The following RBM28 variants were observed in gnomAD, a reference collection of about 807,000 sequenced individuals.
RBM28 encodes RNA binding motif protein 28.
A neutral mutation model predicts 98.3 loss-of-function variants in RBM28; 78 were observed. The ratio of observed to expected loss-of-function variants is 0.79; its 90% CI spans 0.66 to 0.96. The LOEUF (loss-of-function observed/expected upper bound fraction) is 0.96, where lower values mean the gene tolerates loss of function less well. Ranked by LOEUF, RBM28 falls within the 40% of genes least tolerant of loss-of-function variation. The pLI is 0.00. For synonymous variants in RBM28, 306 were observed against 330.9 expected (o/e 0.92, Z 0.82); for missense variants, 838 against 913.0 (o/e 0.92, Z 1.06).
chr7:128,323,420 C>A, intron 13 of RBM28, 107 bp downstream of exon 13: 2 of 1,316,894 alleles, frequency 1.5e-6, no homozygotes, highest in South Asian at 2.4e-5. Context: ...TAAGTATGGT[C>A]TGTGACCATA....
intron 5 of RBM28, among the ~76,000 whole-genome samples, 177 bp from the exon 6 acceptor site, chr7:128,337,379 A>C (rs1166251370): frequency 6.6e-6 from 1 of 152,136 alleles, no homozygotes; most frequent in Non-Finnish European, 1.5e-5. Context: ...TTTAACCCTT[A>C]ACCTTTTTAT....
rs1483930576 is a variant in RBM28 at position 128,300,834 on chromosome 7, G to A, written c.*9963C>T. On this transcript the variant is annotated 3_prime_UTR_variant, in exon 19 of 19. Coordinates refer to ENST00000223073, the MANE Select transcript of RBM28 (RefSeq NM_018077.3). ...TAGCAGTGTTTGCTCTGGAAAAGGA[G>A]GAACAGGGACCTGGGTGCCATCTCT... The A allele has an allele frequency of 2.0e-5, 3 of 152,326 alleles. No individual in the cohort carries two copies. Among genetic ancestry groups the A allele is most frequent in the Non-Finnish European group, 4.4e-5 (3 of 68,110 alleles). The allele number at this position is 152,326 out of a possible 1,614,324, so 9.4% of individuals were successfully genotyped here.
intron 2 of RBM28, 126 bp downstream of exon 2, chr7:128,339,507 T>C: frequency 7.6e-7 from 1 of 1,308,732 alleles, no homozygotes; most frequent in Non-Finnish European, 1.1e-6. Context: ...TGGATGATTT[T>C]GGAGATCAAA....
intron 16 of RBM28, among the ~76,000 whole-genome samples, 171 bp from the exon 17 acceptor site, chr7:128,315,191 T>C (rs1396547320): frequency 1.3e-5 from 2 of 152,106 alleles, no homozygotes; most frequent in Non-Finnish European, 2.9e-5. Context: ...CCTGCCACAG[T>C]AACAGATGGT....
In RBM28 at chr7:128,325,803, A is replaced by T. The variant is rs778642539; in HGVS notation, c.1203+15T>A. The T allele has an allele frequency of 2.9e-5, 47 of 1,604,406 alleles. No homozygotes were observed. In the South Asian group the frequency reaches 5.0e-4, roughly 17 times the overall value. ...TGCCTCCTGTGTTATAAGGTAAAGG[A>T]AATATCTTCCTTACCTCATTCTCTG... On this transcript the variant is annotated intron_variant, in intron 11 of 18. Coordinates refer to ENST00000223073, the MANE Select transcript of RBM28 (RefSeq NM_018077.3).
chr7:128,326,632 A>C (rs1175220979), intron 10 of RBM28, among the ~76,000 whole-genome samples: 3 of 152,200 alleles, frequency 2.0e-5, no homozygotes, highest in Admixed American at 1.3e-4. Context: ...ACACTATGAC[A>C]TTCACACAAT....
chr7:128,320,756 T>C (rs9656368), intron 14 of RBM28, among the ~76,000 whole-genome samples: 147,469 of 152,372 alleles, frequency 0.97, 71,561 homozygotes, highest in East Asian at 1. Flanking sequence ...CAGACAGAGA[T>C]TTCCTTGCAT....
At chr7:128,315,052 C>A (rs370351539) in intron 16 of RBM28, 32 bp from the exon 17 acceptor site, 2 of 1,613,970 alleles carry the variant, frequency 1.2e-6, no homozygotes, top group Non-Finnish European at 1.7e-6. Flanking sequence ...CATCTGGTTT[C>A]TGGATGAGCT....
In RBM28 at chr7:128,313,267, CCCGCAA is replaced by C; in HGVS notation, c.2047_2052del (p.Leu683_Arg684del). On this transcript the variant is annotated inframe_deletion and splice_region_variant, in exon 18 of 19. Coordinates refer to ENST00000223073, the MANE Select transcript of RBM28 (RefSeq NM_018077.3). ...TGGACGGGCTTCACTTTGCCTTTGT[CCCGCAA>C]CCTGAAATAACATGGCTGAGTGTCA... 1 of 1,613,904 alleles carries C rather than the reference CCCGCAA, an allele frequency of 6.2e-7. No individual in the cohort carries two copies. The highest frequency in any genetic ancestry group is 8.5e-7 in the Non-Finnish European group (1 of 1,179,820).
intron 13 of RBM28, 62 bp from the exon 14 acceptor site, chr7:128,321,486 T>G: frequency 6.3e-7 from 1 of 1,593,782 alleles, no homozygotes; most frequent in Non-Finnish European, 8.6e-7. Context: ...GGCTCATAAT[T>G]CTCCAAAAGG....
intron 12 of RBM28, 27 bp from the exon 13 acceptor site, chr7:128,323,618 A>C (rs762754558): frequency 1.9e-6 from 3 of 1,613,884 alleles, no homozygotes; most frequent in Non-Finnish European, 2.5e-6. Flanking sequence ...AAAGGCCAAG[A>C]CATCAACAAG....
At position 128,306,018 on chromosome 7, in the gene RBM28, C is replaced by G. The variant is rs1795860502; in HGVS notation, c.*4779G>C. ...ACTAAGCATTGCCATGTACCAGGCC[C>G]AGGGGCTGGGACTATGGGAGCTAGT... is the stretch of plus-strand genomic sequence containing the variant. On this transcript the variant is annotated 3_prime_UTR_variant, in exon 19 of 19. Transcript: ENST00000223073. 1 of 152,224 alleles carries G rather than the reference C, an allele frequency of 6.6e-6. No homozygotes were observed. Among genetic ancestry groups the G allele is most frequent in the South Asian group, 2.1e-4 (1 of 4,834 alleles). The allele number at this position is 152,224 out of a possible 1,614,324, so 9.4% of individuals were successfully genotyped here.
chr7:128,323,250 T>C (rs1162685058), intron 13 of RBM28, among the ~76,000 whole-genome samples: 1 of 152,216 alleles, frequency 6.6e-6, no homozygotes, highest in Non-Finnish European at 1.5e-5. Context: ...TACTGCATGA[T>C]GTAGCAGCAT....
At chr7:128,321,245 A>G (rs745690868) in intron 14 of RBM28, 21 bp downstream of exon 14, 1 of 1,613,796 alleles carries the variant, frequency 6.2e-7, no homozygotes. Context: ...AAGCTCCAAA[A>G]TGGTCAGGGC....
chr7:128,333,488 C>T (rs546776746), intron 8 of RBM28, 126 bp from the exon 9 acceptor site: 126 of 764,816 alleles, frequency 1.6e-4, no homozygotes, highest in African/African-American at 1.4e-3. Flanking sequence ...AAAGCCCAGG[C>T]GGGCTGATCA....
At position 128,339,690 on chromosome 7, in the gene RBM28, T is replaced by C. The variant is rs946552765; in HGVS notation, c.220A>G (p.Asn74Asp). The change falls in exon 2 of 19, where the codon AAC becomes GAC. Residue 74 changes from asparagine to aspartate, a missense_variant. Physicochemically the swap from Asn to Asp is conservative, Grantham distance 23 (BLOSUM62 1). Coordinates refer to ENST00000223073, the MANE Select transcript of RBM28 (RefSeq NM_018077.3). ...EITTFEGCKI[N>D]VTVAKKKLRN... is the part of the protein sequence containing the mutation. ...AGTTTTTTCTTGGCAACAGTCACGT[T>C]GATCTTGCAACCTTCAAAGGTGGTA... The C allele has an allele frequency of 6.2e-7, 1 of 1,614,132 alleles. No individual in the cohort carries two copies. The highest frequency in any genetic ancestry group is 1.3e-5 in the African/African-American group (1 of 75,046).
chr7:128,325,999 T>C (rs1796341901), intron 10 of RBM28, 108 bp from the exon 11 acceptor site: 1 of 895,826 alleles, frequency 1.1e-6, no homozygotes, highest in African/African-American at 1.6e-5. Context: ...ATAGGTGGCA[T>C]CCATTTATTA....
intron 11 of RBM28, 36 bp from the exon 12 acceptor site, chr7:128,324,730 A>T (rs1367880465): frequency 6.2e-7 from 1 of 1,613,398 alleles, no homozygotes; most frequent in Admixed American, 1.7e-5. Context: ...AAAACACATA[A>T]TGGCCGGGCA....
rs1461458714 is a variant in RBM28 at position 128,298,373 on chromosome 7, C to G, written c.*12424G>C. ...AGTCCTACTGATATGCGACGTCACC[C>G]CCGGCAGCCCAGCTGTTAAAATTCC... On this transcript the variant is annotated 3_prime_UTR_variant, in exon 19 of 19. Transcript: ENST00000223073. 6.6e-6 allele frequency: 1 copy of G among 152,102 alleles called. No individual in the cohort carries two copies. The highest frequency in any genetic ancestry group is 2.4e-5 in the African/African-American group (1 of 41,406). The allele number at this position is 152,102 out of a possible 1,614,324, so 9.4% of individuals were successfully genotyped here.
Sources: gnomAD v4.1 joint callset for allele counts (sites outside exome capture counted in the v4.1 genomes callset) on GRCh38, gnomAD v4.1.1 for gene constraint, MANE v1.5 for transcripts, NCBI Gene and HGNC (gene_info 2026-07-23, HGNC 2026-07-21) for gene names.